Variants in HCN4 observed in about 807,000 individuals in gnomAD.
HCN4 encodes potassium/sodium hyperpolarization-activated cyclic nucleotide-gated channel 4.
In HCN4, 29 loss-of-function variants were observed where a neutral mutation model predicts 76.9. The observed-to-expected ratio is 0.38, with a 90% CI of 0.28 to 0.51. The LOEUF is 0.51. HCN4 is among the 20% of genes least tolerant of loss of function. The pLI, the probability that HCN4 is intolerant of heterozygous loss-of-function variation, is 0.90. For missense variants in HCN4, 1,416 were observed against 1,715.2 expected, an observed-to-expected ratio of 0.83 and a Z score of 3.08; for synonymous variants, 772 against 762.5, an observed-to-expected ratio of 1.01 and a Z score of -0.21.
Position 73,323,203 on chromosome 15 carries a change from A to G in HCN4, c.2890T>C (p.Ser964Pro). Residue 964 changes from serine (S) to proline (P), a missense_variant, in exon 8 of 8, where the codon TCA becomes CCA. By Grantham distance (74) the Ser-to-Pro change is moderately conservative. Transcript: ENST00000261917. ...LPEHFLPPPPSSRSPSSSPGQ... is the reference protein window; with the variant it reads ...LPEHFLPPPPPSRSPSSSPGQ... ...GGGCTAGATGACGGGGATCTGGATG[A>G]GGGTGGGGGTGGCAGGAAGTGCTCC... The G allele has an allele frequency of 6.5e-7, 1 of 1,532,674 alleles. No homozygotes were observed. The highest frequency in any genetic ancestry group is 8.8e-7 in the Non-Finnish European group (1 of 1,142,628). The allele number at this position is 1,532,674 out of a possible 1,614,324, so 94.9% of individuals were successfully genotyped here. A position where few individuals can be genotyped will look rare whatever the true frequency, so the allele number is the denominator to read the frequency against.
chr15:73,367,940 C>A lies in HCN4; in HGVS notation c.331G>T (p.Gly111Cys). The A allele has an allele frequency of 7.4e-7, 1 of 1,358,062 alleles. No individual in the cohort carries two copies. Among genetic ancestry groups the A allele is most frequent in the Admixed American group, 3.1e-5 (1 of 32,646 alleles). The allele number at this position is 1,358,062 out of a possible 1,614,324, so 84.1% of individuals were successfully genotyped here. The change falls in exon 1 of 8, where the codon GGC becomes TGC. Residue 111 changes from glycine (G) to cysteine (C), a missense_variant. Coordinates refer to ENST00000261917, the MANE Select transcript of HCN4 (RefSeq NM_005477.3). This position sits in a 1 kb window ranked among gnomAD's most constrained non-coding sequence, Gnocchi z 7.5. The part of the protein sequence containing the change: ...ASLGSRGGGS[G>C]GTGSGSSHGH... ...TGACTGCTGCCGCTCCCCGTGCCGC[C>A]GCTGCCGCCGCCCCGGCTGCCCAGC...
In HCN4 at chr15:73,322,668, T is replaced by C. The variant is rs1567766675; in HGVS notation, c.3425A>G (p.Tyr1142Cys). 3 of 1,604,668 alleles carry C rather than the reference T, an allele frequency of 1.9e-6. No individual in the cohort carries two copies. Among genetic ancestry groups the C allele is most frequent in the Non-Finnish European group, 1.7e-6 (2 of 1,176,366 alleles). ...SGGLGPPGRPYGAIPGQHVTL... is the reference protein window; with the variant it reads ...SGGLGPPGRPCGAIPGQHVTL... Reference sequence around the variant, plus strand: ...GACGTGCTGGCCGGGGATGGCACCATAGGGCCTCCCAGGGGGACCGAGGCC... The same window carrying C: ...GACGTGCTGGCCGGGGATGGCACCACAGGGCCTCCCAGGGGGACCGAGGCC... Residue 1142 changes from tyrosine (Y) to cysteine (C), a missense_variant, in exon 8 of 8, where the codon TAT becomes TGT. Transcript: ENST00000261917.
chr15:73,349,656 C>T (rs186749405), intron 1 of HCN4, among the ~76,000 whole-genome samples: 4 of 152,166 alleles, frequency 2.6e-5, no homozygotes, highest in Non-Finnish European at 4.4e-5. Context: ...ACTGCCTCCC[C>T]GCTTAAGTGA....
chr15:73,364,439 G>GT (rs1270931713), intron 1 of HCN4, among the ~76,000 whole-genome samples: 6 of 152,196 alleles, frequency 3.9e-5, no homozygotes, highest in Non-Finnish European at 1.5e-5. Flanking sequence ...CAGTACCTAT[G>GT]TTTTTTGTTG....
rs1351103188 is a variant in HCN4, at chr15:73,323,264, G to A, written c.2829C>T (p.Pro943=). The change falls in exon 8 of 8, where the codon CCC becomes CCT. Residue 943 remains proline, a synonymous_variant. Coordinates refer to ENST00000261917, the MANE Select transcript of HCN4 (RefSeq NM_005477.3). Reference sequence around the variant, plus strand: ...GGCCTCCCCGGGCCCCGGGTGGCGCGGGAGATGGCTGGGCAGCCTGCGGGG... The same window carrying A: ...GGCCTCCCCGGGCCCCGGGTGGCGCAGGAGATGGCTGGGCAGCCTGCGGGG... ...ARSPQAAQPS[P]APPGARGGLG... is the part of the protein sequence containing the mutation. 5.2e-6 allele frequency: 8 copies of A among 1,527,772 alleles called. No homozygotes were observed. In the East Asian group the frequency reaches 7.0e-5, roughly 13 times the overall value. The allele number at this position is 1,527,772 out of a possible 1,614,324, so 94.6% of individuals were successfully genotyped here.
In HCN4 at chr15:73,368,226, G is replaced by T; in HGVS notation, c.45C>A (p.Leu15=). Residue 15 remains leucine (L), a synonymous_variant, in exon 1 of 8, where the codon CTC becomes CTA. Coordinates refer to ENST00000261917, the MANE Select transcript of HCN4 (RefSeq NM_005477.3). This position sits in a 1 kb window ranked among gnomAD's most constrained non-coding sequence, Gnocchi z 6.9. ...ACGCCTTGGCCCCCACCTGCTGCGG[G>T]AGGCTGTAGAGCCGCTTGCGCATGG... is the stretch of plus-strand genomic sequence containing the variant. ...PPSMRKRLYS[L]PQQVGAKAWI... 6.6e-7 allele frequency: 1 copy of T among 1,524,906 alleles called. No homozygotes were observed. The allele number at this position is 1,524,906 out of a possible 1,614,324, so 94.5% of individuals were successfully genotyped here.
chr15:73,352,513 T>C (rs941340996), intron 1 of HCN4, among the ~76,000 whole-genome samples: 3 of 151,900 alleles, frequency 2.0e-5, no homozygotes, highest in Admixed American at 1.3e-4. Flanking sequence ...TGAACAGACA[T>C]GGGACAGAAG....
chr15:73,336,206 G>T (rs1032981940), intron 2 of HCN4, among the ~76,000 whole-genome samples: 1 of 152,102 alleles, frequency 6.6e-6, no homozygotes, highest in East Asian at 1.9e-4. Flanking sequence ...CAAGCATGCC[G>T]TTCTCCTCCC....
intron 1 of HCN4, among the ~76,000 whole-genome samples, chr15:73,361,198 C>T (rs890592153): frequency 6.6e-6 from 1 of 152,180 alleles, no homozygotes; most frequent in Admixed American, 6.5e-5. Flanking sequence ...GAAGTACTGC[C>T]CAGTCTTATC....
intron 2 of HCN4, among the ~76,000 whole-genome samples, chr15:73,332,925 C>T (rs1435415038): frequency 6.6e-6 from 1 of 152,164 alleles, no homozygotes; most frequent in Non-Finnish European, 1.5e-5. Context: ...TCTGAGTGGG[C>T]TGTCAAAAGG....
chr15:73,357,020 A>G (rs2554058), intron 1 of HCN4, among the ~76,000 whole-genome samples: 15,888 of 152,172 alleles, frequency 0.1, 1,019 homozygotes, highest in African/African-American at 0.19. Flanking sequence ...TTGGCTCCCA[A>G]AGTGATGGAG....
intron 4 of HCN4, among the ~76,000 whole-genome samples, chr15:73,326,084 C>A (rs1490502909): frequency 2.0e-5 from 3 of 152,054 alleles, no homozygotes; most frequent in Non-Finnish European, 2.9e-5. Flanking sequence ...GACCCTGGGG[C>A]TCAAACAAAT....
At position 73,355,745 on chromosome 15, in the gene HCN4, G is replaced by A. The variant is rs563017592; in HGVS notation, c.785+11741C>T. 3.3e-5 allele frequency among the ~76,000 whole-genome samples: 5 copies of A among 152,064 alleles called. No individual in the cohort carries two copies. In the East Asian group the frequency reaches 9.7e-4, roughly 29 times the overall value. ...GTTGCATATGCAGAAACACACCAGTGAATATGTACATGCGCACACACACAC... is the reference window on the plus strand; with the variant it reads ...GTTGCATATGCAGAAACACACCAGTAAATATGTACATGCGCACACACACAC... On this transcript the variant is annotated intron_variant, in intron 1 of 7. Coordinates refer to ENST00000261917, the MANE Select transcript of HCN4 (RefSeq NM_005477.3).
chr15:73,341,675 A>G (rs1595828297), intron 2 of HCN4, among the ~76,000 whole-genome samples: 2 of 152,190 alleles, frequency 1.3e-5, no homozygotes, highest in East Asian at 3.9e-4. Flanking sequence ...GGGGGCCAAG[A>G]GGGCTAGCTG....
intron 2 of HCN4, among the ~76,000 whole-genome samples, chr15:73,341,430 C>T (rs1029470315): frequency 2.0e-5 from 3 of 152,284 alleles, no homozygotes; most frequent in Admixed American, 1.3e-4. Context: ...GCGTGAGCCA[C>T]CGCGCCCGGC....
chr15:73,322,239 T>C lies in HCN4; in HGVS notation c.*242A>G. On this transcript the variant is annotated 3_prime_UTR_variant, in exon 8 of 8. Transcript: ENST00000261917. ...GCTTTTGCATTTGGGACCTGCCTGC[T>C]CCCTCCTCCCTCCCCCTCCCTCCCT... The C allele has an allele frequency of 2.4e-6, 1 of 410,998 alleles. No individual in the cohort carries two copies. The allele number at this position is 410,998 out of a possible 1,614,324, so 25.5% of individuals were successfully genotyped here.
chr15:73,344,771 T>TA (rs1227664729), intron 1 of HCN4, among the ~76,000 whole-genome samples: 1 of 152,154 alleles, frequency 6.6e-6, no homozygotes, highest in Admixed American at 6.5e-5. Flanking sequence ...GTGGTGGGTT[T>TA]CTCCCAACTC....
In HCN4 at chr15:73,322,901, C is replaced by A; in HGVS notation, c.3192G>T (p.Gln1064His). Reference sequence around the variant, plus strand: ...GGGGTGTGCCCCGGCGCTGGGGGACCTGGGGTGGTGGGGGGCTGGATGCAG... The same window carrying A: ...GGGGTGTGCCCCGGCGCTGGGGGACATGGGGTGGTGGGGGGCTGGATGCAG... ...LPPASSPPPPQVPQRRGTPPL... is the reference protein window; with the variant it reads ...LPPASSPPPPHVPQRRGTPPL... The change falls in exon 8 of 8, where the codon CAG (glutamine) becomes CAT (histidine). Residue 1064 changes from glutamine (Q) to histidine (H), a missense_variant. Gln to His is a conservative substitution (Grantham distance 24). Coordinates refer to ENST00000261917, the MANE Select transcript of HCN4 (RefSeq NM_005477.3). 1 of 1,401,776 alleles carries A rather than the reference C, an allele frequency of 7.1e-7. No homozygotes were observed. 86.8% of individuals were successfully genotyped at this position (1,401,776 alleles called of 1,614,324 possible).
chr15:73,327,969 C>T (rs498005), intron 4 of HCN4, among the ~76,000 whole-genome samples: 73,979 of 152,090 alleles, frequency 0.49, 18,346 homozygotes, highest in East Asian at 0.55. Context: ...AGTGAATCCA[C>T]AAATGCTGAC....
Sources: gnomAD v4.1 joint callset for allele counts (sites outside exome capture counted in the v4.1 genomes callset) on GRCh38, gnomAD v4.1.1 for gene constraint, Gnocchi (gnomAD v3.1) non-coding constraint, MANE v1.5 for transcripts, NCBI Gene and HGNC (gene_info 2026-07-23, HGNC 2026-07-21) for gene names.